Variants in CLVS2 observed in about 807,000 individuals in gnomAD.
CLVS2 encodes the protein clavesin 2, also known as clavesin-2.
Under a neutral mutation model 29.0 loss-of-function variants are expected in CLVS2, and 19 were observed. The observed-to-expected ratio is 0.66, with a 90% CI of 0.46 to 0.96. CLVS2 has a LOEUF of 0.96. CLVS2 is among the 40% of genes least tolerant of loss of function. The probability of loss-of-function intolerance (pLI) is 0.00; values close to 1 mark genes in which losing one functional copy is unlikely to be tolerated. For synonymous variants in CLVS2, 161 were observed against 151.3 expected, an observed-to-expected ratio of 1.06 and a Z score of -0.47; for missense variants, 294 against 404.1, an observed-to-expected ratio of 0.73 and a Z score of 2.34.
chr6:123,042,668 C>T (rs1477254089), intron 3 of CLVS2, among the ~76,000 whole-genome samples: 1 of 152,140 alleles, frequency 6.6e-6, no homozygotes, highest in Non-Finnish European at 1.5e-5. Context: ...TGTCTCTTCT[C>T]AATTTGGCAG....
intron 3 of CLVS2, among the ~76,000 whole-genome samples, chr6:123,045,245 A>C (rs961470182): frequency 2.6e-5 from 4 of 152,146 alleles, no homozygotes; most frequent in African/African-American, 9.7e-5. Flanking sequence ...CAAAACAGAA[A>C]TCTCTTTGGA....
rs1772923513 is a variant in CLVS2, at chr6:123,070,293, A to G, written c.*6532A>G. 1 of 151,810 alleles carries G rather than the reference A, an allele frequency of 6.6e-6. No individual in the cohort carries two copies. The highest frequency in any genetic ancestry group is 2.1e-4 in the South Asian group (1 of 4,812). The allele number at this position is 151,810 out of a possible 1,614,324, so 9.4% of individuals were successfully genotyped here. Reference sequence around the variant, plus strand: ...TGTCGACCCCAATCTTCCAGTTTCTAGGAATAAAAATTTTGGAGTCATCCT... The same window carrying G: ...TGTCGACCCCAATCTTCCAGTTTCTGGGAATAAAAATTTTGGAGTCATCCT... On this transcript the variant is annotated 3_prime_UTR_variant, in exon 6 of 6. Transcript: ENST00000275162.
intron 3 of CLVS2, among the ~76,000 whole-genome samples, chr6:123,025,210 A>G (rs1044066266): frequency 6.6e-6 from 1 of 152,112 alleles, no homozygotes; most frequent in Admixed American, 6.6e-5. Flanking sequence ...TGACATCAAT[A>G]TCCGGGGACC....
chr6:123,048,801 T>C (rs1772560632), intron 4 of CLVS2, 69 bp downstream of exon 4: 2 of 941,094 alleles, frequency 2.1e-6, no homozygotes, highest in Admixed American at 1.8e-5. Context: ...ATAATGTGTA[T>C]ATAATGTTAG....
chr6:123,028,274 A>G (rs894937327), intron 3 of CLVS2, among the ~76,000 whole-genome samples: 1 of 152,210 alleles, frequency 6.6e-6, no homozygotes, highest in Non-Finnish European at 1.5e-5. Context: ...CACATGCTAT[A>G]TTAGATCCTG....
intron 3 of CLVS2, among the ~76,000 whole-genome samples, chr6:123,013,867 G>A (rs1469666862): frequency 6.6e-6 from 1 of 150,698 alleles, no homozygotes; most frequent in East Asian, 2.0e-4. Context: ...GTGTCCATGT[G>A]CTCTCATTGT....
At chr6:123,061,897 AT>A (rs1167337558) in intron 5 of CLVS2, among the ~76,000 whole-genome samples, 1 of 152,076 alleles carries the variant, frequency 6.6e-6, no homozygotes, top group African/African-American at 2.4e-5. Flanking sequence ...AAAATTTAAA[AT>A]TTATTTTCTA....
chr6:123,007,859 AACTCACAC>A (rs1774691868), intron 2 of CLVS2, among the ~76,000 whole-genome samples: 2 of 152,218 alleles, frequency 1.3e-5, no homozygotes, highest in Admixed American at 6.5e-5. Context: ...ACAATAGTGG[AACTCACAC>A]AATTTCAGTG....
intron 3 of CLVS2, among the ~76,000 whole-genome samples, chr6:123,016,743 G>T (rs1774840292): frequency 6.6e-6 from 1 of 152,052 alleles, no homozygotes; most frequent in African/African-American, 2.4e-5. Context: ...TAATAAGTAG[G>T]ACTTGTGACA....
intron 3 of CLVS2, among the ~76,000 whole-genome samples, chr6:123,022,903 A>G (rs916861772): frequency 1.4e-4 from 21 of 152,092 alleles, no homozygotes; most frequent in Admixed American, 6.6e-4. Context: ...CTGGACAACA[A>G]ACTACATTTA....
At chr6:123,036,538 C>T (rs965636689) in intron 3 of CLVS2, among the ~76,000 whole-genome samples, 2 of 152,114 alleles carry the variant, frequency 1.3e-5, no homozygotes, top group African/African-American at 2.4e-5. Flanking sequence ...CCAAGCTGAA[C>T]GCTTGCTTCT....
chr6:123,033,326 T>C (rs192303011), intron 3 of CLVS2, among the ~76,000 whole-genome samples: 2 of 152,204 alleles, frequency 1.3e-5, no homozygotes, highest in South Asian at 2.1e-4. Context: ...GTAATAGTAT[T>C]AGAGAGATAA....
At chr6:123,058,121 A>G (rs1332755253) in intron 5 of CLVS2, among the ~76,000 whole-genome samples, 1 of 152,160 alleles carries the variant, frequency 6.6e-6, no homozygotes, top group Non-Finnish European at 1.5e-5. Context: ...ATCATTTACT[A>G]GGTACTTTTC....
At chr6:123,059,270 C>A (rs1772741383) in intron 5 of CLVS2, among the ~76,000 whole-genome samples, 2 of 152,176 alleles carry the variant, frequency 1.3e-5, no homozygotes, top group African/African-American at 4.8e-5. Flanking sequence ...TCTGGTCACT[C>A]CCTGTCCATC....
intron 5 of CLVS2, 87 bp from the exon 6 acceptor site, chr6:123,063,587 G>T: frequency 1.4e-6 from 1 of 737,722 alleles, no homozygotes; most frequent in South Asian, 1.8e-5. Flanking sequence ...TCACATTCCT[G>T]GGAGAAGTAA....
chr6:123,063,758 C>T lies in CLVS2; in HGVS notation c.981C>T (p.Asp327=). The T allele has an allele frequency of 1.3e-6, 2 of 1,591,520 alleles. No homozygotes were observed. The highest frequency in any genetic ancestry group is 1.7e-6 in the Non-Finnish European group (2 of 1,159,962). The change falls in exon 6 of 6, where the codon GAC becomes GAT. Residue 327 remains aspartate (D), a synonymous_variant. Transcript: ENST00000275162. ...ACATGCAACCATTGCTTTCTCTGGA[C>T]TAATAACTTCTCTACATCCCCTTCA... The part of the protein sequence containing the change: ...EENMQPLLSL[D]
At chr6:123,016,123 G>T (rs2114314130) in intron 3 of CLVS2, among the ~76,000 whole-genome samples, 1 of 136,914 alleles carries the variant, frequency 7.3e-6, no homozygotes, top group East Asian at 2.3e-4. Context: ...GGCTTTGATA[G>T]AAAAGAAAAA....
chr6:123,071,091 C>G lies in CLVS2; in HGVS notation c.*7330C>G, dbSNP rs1772941026. Reference sequence around the variant, plus strand: ...ATTATTTATTTACTTTGCATTTCCCCCCAATAGCAATGTGAACTCCACAAG... The same window carrying G: ...ATTATTTATTTACTTTGCATTTCCCGCCAATAGCAATGTGAACTCCACAAG... On this transcript the variant is annotated 3_prime_UTR_variant, in exon 6 of 6. Transcript: ENST00000275162. The G allele has an allele frequency of 6.6e-6, 1 of 151,928 alleles. No individual in the cohort carries two copies. The highest frequency in any genetic ancestry group is 1.5e-5 in the Non-Finnish European group (1 of 67,932). 9.4% of individuals were successfully genotyped at this position (151,928 alleles called of 1,614,324 possible).
chr6:123,005,145 A>G (rs1349913825), intron 2 of CLVS2, among the ~76,000 whole-genome samples: 1 of 152,184 alleles, frequency 6.6e-6, no homozygotes, highest in Non-Finnish European at 1.5e-5. Flanking sequence ...CTGTAAAATA[A>G]TAAGAACAAA....
Sources: gnomAD v4.1 joint callset for allele counts (sites outside exome capture counted in the v4.1 genomes callset) on GRCh38, gnomAD v4.1.1 for gene constraint, MANE v1.5 for transcripts, NCBI Gene and HGNC (gene_info 2026-07-23, HGNC 2026-07-21) for gene names.